CEP85L: variants seen among roughly 807,000 people sequenced by gnomAD.
CEP85L encodes the protein centrosomal protein of 85 kDa-like.
Under a neutral mutation model 100.3 loss-of-function variants are expected in CEP85L, and 60 were observed. That is an observed-to-expected ratio of 0.60 (90% confidence interval 0.49 to 0.74). CEP85L has a LOEUF of 0.74. CEP85L is among the 30% of genes least tolerant of loss of function. The probability of loss-of-function intolerance (pLI) is 0.00; values close to 1 mark genes in which losing one functional copy is unlikely to be tolerated. For missense variants in CEP85L, 973 were observed against 936.2 expected (o/e 1.04, Z -0.51); for synonymous variants, 319 against 322.7 (o/e 0.99, Z 0.12).
In CEP85L at chr6:118,640,718, T is replaced by TG. The variant is rs568053560; in HGVS notation, c.74-8108dup. 8.5e-5 allele frequency among the ~76,000 whole-genome samples: 13 copies of TG among 152,114 alleles called. No individual in the cohort carries two copies. In the South Asian group the frequency reaches 2.7e-3, roughly 32 times the overall value. On this transcript the variant is annotated intron_variant, in intron 1 of 12. Coordinates refer to ENST00000368491, the MANE Select transcript of CEP85L (RefSeq NM_001042475.3). ...TTTTTAGGTTTTTTTTAAGTAGAGA[T>TG]GGGGTTTCGCCATGTTGGCCAGGCT...
intron 4 of CEP85L, among the ~76,000 whole-genome samples, chr6:118,517,255 A>C: frequency 6.6e-6 from 1 of 152,178 alleles, no homozygotes. Context: ...TGAAATTTAA[A>C]GTAGTTTTTT....
chr6:118,561,701 T>A (rs184342468), intron 3 of CEP85L, among the ~76,000 whole-genome samples: 14 of 152,282 alleles, frequency 9.2e-5, no homozygotes, highest in Non-Finnish European at 1.6e-4. Context: ...TTAAAATGAA[T>A]GTTCTTGAAA....
chr6:118,631,613 T>C (rs1471216652), intron 2 of CEP85L, among the ~76,000 whole-genome samples: 1 of 152,186 alleles, frequency 6.6e-6, no homozygotes, highest in Non-Finnish European at 1.5e-5. Flanking sequence ...TTCTCTCCAA[T>C]ACCACCATTA....
rs575406906 is a variant in CEP85L, at chr6:118,620,622, T to A, written c.232+11831A>T. On this transcript the variant is annotated intron_variant, in intron 2 of 12. Transcript: ENST00000368491. ...CAGCCAGATGATTCAGCAAGAGGAC[T>A]GAGGGTGCCTGGGGCAAGCGCCAGC... 2.6e-5 allele frequency among the ~76,000 whole-genome samples: 4 copies of A among 152,352 alleles called. No homozygotes were observed. The South Asian group carries it at 8.3e-4, about 32-fold the overall frequency.
intron 5 of CEP85L, among the ~76,000 whole-genome samples, chr6:118,494,129 T>C (rs935074955): frequency 6.6e-6 from 1 of 152,142 alleles, no homozygotes; most frequent in Non-Finnish European, 1.5e-5. Context: ...CAAAAACCCA[T>C]TAGTAGAAGA....
At position 118,574,318 on chromosome 6, in the gene CEP85L, C is replaced by T. The variant is rs72952798; in HGVS notation, c.233-8002G>A. ...TCAGGTTAGTTTAGATGGTTTGGTC[C>T]GACCCCAGCCAATGGGGAAATAACA... On this transcript the variant is annotated intron_variant, in intron 2 of 12. Transcript: ENST00000368491. Among the ~76,000 whole-genome samples, 35 of 152,242 alleles carry T rather than the reference C, an allele frequency of 2.3e-4. 1 individual carries two copies. The highest frequency in any genetic ancestry group is 2.1e-3 in the Admixed American group (32 of 15,286).
At chr6:118,605,407 G>C (rs995349569) in intron 2 of CEP85L, among the ~76,000 whole-genome samples, 1 of 152,092 alleles carries the variant, frequency 6.6e-6, no homozygotes, top group Non-Finnish European at 1.5e-5. Flanking sequence ...TGTGCAAAGA[G>C]TCAAGTGCCC....
At chr6:118,591,499 C>A (rs534617658) in intron 2 of CEP85L, among the ~76,000 whole-genome samples, 3 of 152,168 alleles carry the variant, frequency 2.0e-5, no homozygotes, top group Non-Finnish European at 4.4e-5. Context: ...CTTTCCACAA[C>A]CAATCAGACG....
chr6:118,703,823 A>G (rs1777506554), intron 1 of CEP85L, among the ~76,000 whole-genome samples: 1 of 152,166 alleles, frequency 6.6e-6, no homozygotes, highest in Non-Finnish European at 1.5e-5. Context: ...TCCTTAACCA[A>G]TTAAAATTTT....
At chr6:118,676,119 A>C (rs563887024) in intron 1 of CEP85L, among the ~76,000 whole-genome samples, 1 of 152,362 alleles carries the variant, frequency 6.6e-6, no homozygotes, top group African/African-American at 2.4e-5. Context: ...ACTGACAAAT[A>C]ATAATTGTAT....
chr6:118,585,256 C>A (rs1780792084), intron 2 of CEP85L, among the ~76,000 whole-genome samples: 1 of 152,224 alleles, frequency 6.6e-6, no homozygotes, highest in Admixed American at 6.5e-5. Context: ...CCTGGTTCTC[C>A]ATGCTCATGC....
intron 1 of CEP85L, among the ~76,000 whole-genome samples, chr6:118,638,682 T>C (rs1040959828): frequency 4.6e-5 from 7 of 151,440 alleles, no homozygotes; most frequent in African/African-American, 1.7e-4. Flanking sequence ...AAACTCTACA[T>C]TGGAACTCCT....
At chr6:118,606,649 G>A (rs1014114859) in intron 2 of CEP85L, among the ~76,000 whole-genome samples, 1 of 152,234 alleles carries the variant, frequency 6.6e-6, no homozygotes, top group Non-Finnish European at 1.5e-5. Flanking sequence ...AAAACAAGGT[G>A]GAGACTTCAT....
At chr6:118,690,111 C>T (rs993624132) in intron 1 of CEP85L, among the ~76,000 whole-genome samples, 3 of 152,124 alleles carry the variant, frequency 2.0e-5, no homozygotes, top group Admixed American at 6.5e-5. Context: ...ATCCCTGAAG[C>T]AGTCTTGGCA....
chr6:118,652,022 T>C, upstream of CEP85L: 1 of 519,904 alleles, frequency 1.9e-6, no homozygotes, highest in East Asian at 1.5e-4. Flanking sequence ...GGGATTTAAA[T>C]CCTCATCTGT....
chr6:118,478,976 T>C (rs993294073), intron 10 of CEP85L, among the ~76,000 whole-genome samples: 1 of 152,176 alleles, frequency 6.6e-6, no homozygotes, highest in African/African-American at 2.4e-5. Flanking sequence ...TAGATTGAGA[T>C]AACTTGTATT....
chr6:118,656,880 C>T (rs1412269486), upstream of CEP85L: 1 of 152,230 alleles, frequency 6.6e-6, no homozygotes, highest in Admixed American at 6.5e-5. Context: ...CAAAGCTCAG[C>T]CGAGATACTT....
intron 2 of CEP85L, among the ~76,000 whole-genome samples, chr6:118,588,313 C>T (rs1780982351): frequency 6.6e-6 from 1 of 152,166 alleles, no homozygotes; most frequent in South Asian, 2.1e-4. Flanking sequence ...AAGATCAATA[C>T]TTAATATCTC....
intron 4 of CEP85L, among the ~76,000 whole-genome samples, chr6:118,519,038 G>GT (rs1313716845): frequency 1.3e-5 from 2 of 152,310 alleles, no homozygotes; most frequent in East Asian, 1.9e-4. Flanking sequence ...CAGTCGTGTG[G>GT]TTTTGAGTGA....
Sources: allele counts gnomAD v4.1 joint callset (sites outside exome capture counted in the v4.1 genomes callset), GRCh38; gene constraint gnomAD v4.1.1; transcripts MANE v1.5; gene names NCBI Gene and HGNC (gene_info 2026-07-23, HGNC 2026-07-21).